The following BRF1 variants were observed in gnomAD, a reference collection of about 807,000 sequenced individuals.
BRF1 encodes the protein transcription factor IIIB 90 kDa subunit.
In BRF1, 59 loss-of-function variants were observed where a neutral mutation model predicts 81.7. The observed-to-expected ratio is 0.72, with a 90% CI of 0.59 to 0.90. The LOEUF (loss-of-function observed/expected upper bound fraction) is 0.90. Ranked by LOEUF, BRF1 falls within the 40% of genes least tolerant of loss-of-function variation. The pLI, the probability that BRF1 is intolerant of heterozygous loss-of-function variation, is 0.00. For synonymous variants in BRF1, 491 were observed against 395.6 expected, an observed-to-expected ratio of 1.24 and a Z score of -2.86; for missense variants, 1,050 against 936.3, an observed-to-expected ratio of 1.12 and a Z score of -1.58.
Position 105,217,153 on chromosome 14 carries a change from C to G in BRF1, c.1772+391G>C, listed in dbSNP as rs113886986. On this transcript the variant is annotated intron_variant, in intron 15 of 17. Transcript: ENST00000547530. ...TCAGCAGTGTGCTGCTCTCACCCAT[C>G]ACCTCAGCAGAGACGGCAATGCAGC... 8.2e-4 allele frequency: 250 copies of G among 303,164 alleles called. 2 individuals carry two copies. The highest frequency in any genetic ancestry group is 4.7e-3 in the African/African-American group (224 of 47,236). 18.8% of individuals were successfully genotyped at this position (303,164 alleles called of 1,614,324 possible).
chr14:105,248,460 G>C (rs1037887646), intron 5 of BRF1: 16 of 984,964 alleles, frequency 1.6e-5, no homozygotes, highest in Non-Finnish European at 1.8e-5. Context: ...GCAGAAGCTC[G>C]AGCAGCTTCG....
intron 5 of BRF1, among the ~76,000 whole-genome samples, chr14:105,245,051 C>T (rs1455485229): frequency 2.0e-5 from 3 of 152,108 alleles, no homozygotes; most frequent in Non-Finnish European, 2.9e-5. Flanking sequence ...TTAACTCAAG[C>T]GCTTTGTGTA....
chr14:105,285,814 C>T (rs1226987624), intron 2 of BRF1, among the ~76,000 whole-genome samples: 1 of 152,108 alleles, frequency 6.6e-6, no homozygotes, highest in South Asian at 2.1e-4. Context: ...CATAAAATCA[C>T]ACATCCGATA....
intron 7 of BRF1, 133 bp downstream of exon 7, chr14:105,228,687 G>A: frequency 1.0e-6 from 1 of 975,216 alleles, no homozygotes; most frequent in Non-Finnish European, 1.6e-6. Context: ...ACCGGGGCTG[G>A]GCTAGGTCCT....
At position 105,241,283 on chromosome 14, in the gene BRF1, A is replaced by C; in HGVS notation, c.676T>G (p.Ser226Ala). ...GCTGTACCTGCTCCGCAGAGGCCCG[A>C]GGGGCGCCGGCCTGTGTGCATCCAG... ...RDWMHTGRRP[S>A]GLCGAALLVA... Residue 226 changes from serine (S) to alanine (A), a missense_variant, in exon 6 of 18, where the codon TCG becomes GCG. By Grantham distance (99) the Ser-to-Ala change is moderately conservative. Coordinates refer to ENST00000547530, the MANE Select transcript of BRF1 (RefSeq NM_001519.4). 6.2e-7 allele frequency: 1 copy of C among 1,612,068 alleles called. No individual in the cohort carries two copies. The highest frequency in any genetic ancestry group is 8.5e-7 in the Non-Finnish European group (1 of 1,179,798).
At chr14:105,310,074 G>A (rs1185264457) in intron 1 of BRF1, among the ~76,000 whole-genome samples, 18 of 151,646 alleles carry the variant, frequency 1.2e-4, no homozygotes, top group Non-Finnish European at 1.9e-4. Flanking sequence ...ATGAGCCACC[G>A]CACCCAGCCA....
intron 11 of BRF1, among the ~76,000 whole-genome samples, chr14:105,221,080 G>A (rs768649263): frequency 1.3e-5 from 2 of 152,266 alleles, no homozygotes; most frequent in African/African-American, 2.4e-5. Context: ...CCCGACGGGA[G>A]GCAGGGCTTG....
At chr14:105,291,774 G>T (rs1257067002) in intron 1 of BRF1, among the ~76,000 whole-genome samples, 1 of 151,730 alleles carries the variant, frequency 6.6e-6, no homozygotes, top group Non-Finnish European at 1.5e-5. Flanking sequence ...AAGGCGGGTG[G>T]ATCACCTGAG....
In BRF1 at chr14:105,210,961, T is replaced by C. The variant is rs1890021860; in HGVS notation, c.1996+161A>G. ...ACCCTGGCTGCCTCCAACCTCACAA[T>C]CGACATGACCAATTTACAAAATGTC... On this transcript the variant is annotated intron_variant, in intron 17 of 17. Coordinates refer to ENST00000547530, the MANE Select transcript of BRF1 (RefSeq NM_001519.4). The surrounding 1 kb of genome is among the most constrained non-coding windows in gnomAD (Gnocchi z 4.7). 6.6e-6 allele frequency among the ~76,000 whole-genome samples: 1 copy of C among 152,136 alleles called. No individual in the cohort carries two copies. The highest frequency in any genetic ancestry group is 2.4e-5 in the African/African-American group (1 of 41,434).
At chr14:105,241,751 G>T in intron 5 of BRF1, 1 of 348,734 alleles carries the variant, frequency 2.9e-6, no homozygotes, top group South Asian at 3.2e-5. Context: ...AGCACCACAC[G>T]CAACAACGGT....
Position 105,209,359 on chromosome 14 carries a change from CAGG to C in BRF1, c.*1189_*1191del. The C allele has an allele frequency of 1.7e-6, 1 of 582,434 alleles. No individual in the cohort carries two copies. The highest frequency in any genetic ancestry group is 2.0e-5 in the South Asian group (1 of 49,390). The allele number at this position is 582,434 out of a possible 1,614,324, so 36.1% of individuals were successfully genotyped here. On this transcript the variant is annotated 3_prime_UTR_variant, in exon 18 of 18. Transcript: ENST00000547530. ...CCCCCAAGCCCTCGAGAAGCCCTGG[CAGG>C]ACCCAGGCTGGCTACTGAGCTCTGG...
At chr14:105,254,461 G>A (rs918918421) in intron 4 of BRF1, among the ~76,000 whole-genome samples, 2 of 152,110 alleles carry the variant, frequency 1.3e-5, no homozygotes, top group East Asian at 3.9e-4. Flanking sequence ...GTTTCACCGC[G>A]TTAGACAGGA....
At chr14:105,254,988 C>G (rs1432364099) in intron 4 of BRF1, among the ~76,000 whole-genome samples, 2 of 141,674 alleles carry the variant, frequency 1.4e-5, no homozygotes, top group Admixed American at 6.8e-5. Context: ...AGCCAGCTGC[C>G]CCCCCCATCT....
At position 105,284,578 on chromosome 14, in the gene BRF1, T is replaced by G. The variant is rs924326204; in HGVS notation, c.265+1718A>C. On this transcript the variant is annotated intron_variant, in intron 2 of 17. Transcript: ENST00000547530. This position sits in a 1 kb window ranked among gnomAD's most constrained non-coding sequence, Gnocchi z 4.0. Reference sequence around the variant, plus strand: ...GCATCCACACTAAGGCTGCAGGACATGGCTGCACCGATCACAAGAATCCCT... The same window carrying G: ...GCATCCACACTAAGGCTGCAGGACAGGGCTGCACCGATCACAAGAATCCCT... Among the ~76,000 whole-genome samples, 2 of 152,172 alleles carry G rather than the reference T, an allele frequency of 1.3e-5. No homozygotes were observed. Among genetic ancestry groups the G allele is most frequent in the Non-Finnish European group, 2.9e-5 (2 of 68,030 alleles).
intron 4 of BRF1, among the ~76,000 whole-genome samples, chr14:105,253,248 C>A (rs1320254472): frequency 6.6e-6 from 1 of 152,182 alleles, no homozygotes; most frequent in African/African-American, 2.4e-5. Context: ...GGGCCGAGTA[C>A]CCCTAAGGAG....
At position 105,229,540 on chromosome 14, in the gene BRF1, G is replaced by A. The variant is rs1181671704; in HGVS notation, c.695-627C>T. Among the ~76,000 whole-genome samples, 3 of 152,342 alleles carry A rather than the reference G, an allele frequency of 2.0e-5. No individual in the cohort carries two copies. The South Asian group carries it at 6.2e-4, about 32-fold the overall frequency. On this transcript the variant is annotated intron_variant, in intron 6 of 17. Transcript: ENST00000547530. ...AGCTGGGGTAGTTGACCAGGCCACG[G>A]CCACATCCACCCACCAGCACCAAGG...
intron 15 of BRF1, chr14:105,217,287 A>T (rs587685602): frequency 5.0e-6 from 3 of 599,602 alleles, no homozygotes; most frequent in Admixed American, 6.1e-5. Flanking sequence ...TCCTTGGGAC[A>T]AAACAGAGCC....
At chr14:105,281,543 T>C (rs1437612967) in intron 2 of BRF1, among the ~76,000 whole-genome samples, 1 of 146,504 alleles carries the variant, frequency 6.8e-6, no homozygotes, top group Admixed American at 6.8e-5. Context: ...GCCTGCGTGA[T>C]CCTGAGCCCG....
At chr14:105,251,711 C>G (rs1439390636) in intron 5 of BRF1, among the ~76,000 whole-genome samples, 1 of 151,988 alleles carries the variant, frequency 6.6e-6, no homozygotes, top group Non-Finnish European at 1.5e-5. Context: ...CTCCTAGATG[C>G]AAACAGGCAA....
Sources: allele counts gnomAD v4.1 joint callset (sites outside exome capture counted in the v4.1 genomes callset), GRCh38; gene constraint gnomAD v4.1.1; non-coding constraint Gnocchi (gnomAD v3.1); transcripts MANE v1.5; gene names NCBI Gene and HGNC (gene_info 2026-07-23, HGNC 2026-07-21).